NKX1-1: variants seen among roughly 807,000 people sequenced by gnomAD.
NKX1-1 encodes NK1 homeobox 1, also known as NK1 transcription factor-related protein 1.
NKX1-1 carries 7 observed loss-of-function variants against 1.7 expected under a neutral mutation model. The observed-to-expected ratio is 4.22, with a 90% CI of 2.40 to 7.92. The LOEUF (loss-of-function observed/expected upper bound fraction) is 7.92, where lower values mean the gene tolerates loss of function less well. Ranked by LOEUF, NKX1-1 falls within the 30% of genes most tolerant of loss-of-function variation. The pLI is 0.00. For synonymous variants in NKX1-1, 242 were observed against 85.3 expected (o/e 2.84, Z -10.13); for missense variants, 453 against 171.5 (o/e 2.64, Z -9.17).
At chr4:1,405,412 C>T (rs939098192) in intron 1 of NKX1-1, among the ~76,000 whole-genome samples, 9 of 152,218 alleles carry the variant, frequency 5.9e-5, no homozygotes, top group Admixed American at 1.3e-4. Flanking sequence ...GAGATATGCA[C>T]GCGCCGTAAT....
Position 1,406,005 on chromosome 4 carries a change from G to T in NKX1-1, c.438C>A (p.Val146=). Residue 146 remains valine, a synonymous_variant, in exon 1 of 2, where the codon GTC becomes GTA. Transcript: ENST00000422806. ...ERRALAGAGG[V]GAAGAEPPNA... ...TCGGCGGCTCAGCTCCGGCGGCTCC[G>T]ACTCCCCCGGCGCCGGCGAGGGCGC... is the stretch of plus-strand genomic sequence containing the variant. 2.1e-6 allele frequency: 1 copy of T among 474,934 alleles called. No homozygotes were observed. The highest frequency in any genetic ancestry group is 3.6e-6 in the Non-Finnish European group (1 of 274,952). 29.4% of individuals were successfully genotyped at this position (474,934 alleles called of 1,614,324 possible).
chr4:1,405,306 G>A (rs543451878), intron 1 of NKX1-1, among the ~76,000 whole-genome samples: 10 of 152,332 alleles, frequency 6.6e-5, no homozygotes, highest in Admixed American at 1.3e-4. Flanking sequence ...GATCAATAGC[G>A]GCCCCTAATA....
At position 1,406,225 on chromosome 4, in the gene NKX1-1, G is replaced by T; in HGVS notation, c.218C>A (p.Pro73His). The T allele has an allele frequency of 1.9e-6, 1 of 538,530 alleles. No homozygotes were observed. The highest frequency in any genetic ancestry group is 3.3e-6 in the Non-Finnish European group (1 of 304,446). 33.4% of individuals were successfully genotyped at this position (538,530 alleles called of 1,614,324 possible). The change falls in exon 1 of 2, where the codon CCC becomes CAC. Residue 73 changes from proline to histidine, a missense_variant. By Grantham distance (77) the Pro-to-His change is moderately conservative. Coordinates refer to ENST00000422806, the MANE Select transcript of NKX1-1 (RefSeq NM_001290079.1). ...GGAGGTGGGGCGCAGGGGCGCTGCG[G>T]GCCGGGCCGCTCCAGCCCCCTCGGG... The part of the protein sequence containing the change: ...AAPEGAGAAR[P>H]AAPLRPTSFS...
chr4:1,406,255 G>T lies in NKX1-1; in HGVS notation c.188C>A (p.Ala63Glu). 2.2e-6 allele frequency: 1 copy of T among 453,880 alleles called. No homozygotes were observed. The highest frequency in any genetic ancestry group is 4.4e-5 in the South Asian group (1 of 22,848). 28.1% of individuals were successfully genotyped at this position (453,880 alleles called of 1,614,324 possible). ...GGCCGCTCCAGCCCCCTCGGGCGCC[G>T]CAGGCACAGTGTCGCTGGCCGCGAG... ...PPLAASDTVPAAPEGAGAARP... is the reference protein window; with the variant it reads ...PPLAASDTVPEAPEGAGAARP... Residue 63 changes from alanine to glutamate, a missense_variant, in exon 1 of 2, where the codon GCG (alanine) becomes GAG (glutamate). Transcript: ENST00000422806.
At position 1,403,333 on chromosome 4, in the gene NKX1-1, T is replaced by G; in HGVS notation, c.946A>C (p.Lys316Gln). The G allele has an allele frequency of 1.4e-6, 1 of 726,954 alleles. No individual in the cohort carries two copies. Among genetic ancestry groups the G allele is most frequent in the Non-Finnish European group, 2.4e-6 (1 of 410,192 alleles). The allele number at this position is 726,954 out of a possible 1,614,324, so 45.0% of individuals were successfully genotyped here. Reference sequence around the variant, plus strand: ...CACACCGACAGGTAGCGCGTGGCCTTGAACTTGTTCTCCAGCGCCACGAGC... The same window carrying G: ...CACACCGACAGGTAGCGCGTGGCCTGGAACTTGTTCTCCAGCGCCACGAGC... ...EQLVALENKFKATRYLSVCER... is the reference protein window; with the variant it reads ...EQLVALENKFQATRYLSVCER... Residue 316 changes from lysine (K) to glutamine (Q), a missense_variant, in exon 2 of 2, where the codon AAG (lysine) becomes CAG (glutamine). Lys to Gln is a moderately conservative substitution (Grantham distance 53). Transcript: ENST00000422806.
Position 1,403,290 on chromosome 4 carries a change from G to A in NKX1-1, c.989C>T (p.Ala330Val). Residue 330 changes from alanine to valine, a missense_variant, in exon 2 of 2, where the codon GCG becomes GTG. Coordinates refer to ENST00000422806, the MANE Select transcript of NKX1-1 (RefSeq NM_001290079.1). ...CGTCTCGGTGAGGCTGAGCGACAGC[G>A]CCAGGTTGAGGCGCTCGCACACCGA... ...YLSVCERLNL[A>V]LSLSLTETQV... 2.8e-6 allele frequency: 2 copies of A among 716,930 alleles called. No homozygotes were observed. Among genetic ancestry groups the A allele is most frequent in the South Asian group, 1.5e-5 (1 of 67,470 alleles). 44.4% of individuals were successfully genotyped at this position (716,930 alleles called of 1,614,324 possible).
At chr4:1,404,727 G>A (rs1470701658) in intron 1 of NKX1-1, among the ~76,000 whole-genome samples, 2 of 152,260 alleles carry the variant, frequency 1.3e-5, no homozygotes, top group East Asian at 3.8e-4. Context: ...CGGGGCAGGT[G>A]CCCTCCACAG....
chr4:1,405,258 C>T (rs1720729791), intron 1 of NKX1-1, among the ~76,000 whole-genome samples: 1 of 152,196 alleles, frequency 6.6e-6, no homozygotes, highest in Non-Finnish European at 1.5e-5. Flanking sequence ...GAGGAGGGGA[C>T]ACAAAAAGCA....
rs748497294 is a variant in NKX1-1 at position 1,403,195 on chromosome 4, C to A, written c.1084G>T (p.Ala362Ser). ...GGTCCGCCCCCGCCGCCGGTCGGAG[C>A]GCTGGTGTCGGCGCCCGGGTTCTGC... is the stretch of plus-strand genomic sequence containing the variant. ...KKQNPGADTS[A>S]PTGGGGGPGP... Residue 362 changes from alanine to serine, a missense_variant, in exon 2 of 2, where the codon GCT becomes TCT. Physicochemically the swap from Ala to Ser is moderately conservative, Grantham distance 99 (BLOSUM62 1). Coordinates refer to ENST00000422806, the MANE Select transcript of NKX1-1 (RefSeq NM_001290079.1). 7 of 683,918 alleles carry A rather than the reference C, an allele frequency of 1.0e-5. No homozygotes were observed. The South Asian group carries it at 1.1e-4, about 11-fold the overall frequency. The allele number at this position is 683,918 out of a possible 1,614,324, so 42.4% of individuals were successfully genotyped here. A position where few individuals can be genotyped will look rare whatever the true frequency, so the allele number is the denominator to read the frequency against.
chr4:1,404,193 C>G (rs1720712872), intron 1 of NKX1-1, among the ~76,000 whole-genome samples: 1 of 152,256 alleles, frequency 6.6e-6, no homozygotes, highest in Non-Finnish European at 1.5e-5. Flanking sequence ...ATCCGCAGGG[C>G]TGATACACAC....
Position 1,403,616 on chromosome 4 carries a change from C to T in NKX1-1, c.663G>A (p.Gly221=), listed in dbSNP as rs1263415864. The change falls in exon 2 of 2, where the codon GGG becomes GGA. Residue 221 remains glycine (G), a synonymous_variant. Transcript: ENST00000422806. ...EEARGGGGGL[G]ARGSGCQGAA... ...CGCCCTGGCAACCCGACCCGCGGGC[C>T]CCGAGGCCGCCGCCGCCTCCCCGCG... 6 of 499,446 alleles carry T rather than the reference C, an allele frequency of 1.2e-5. No homozygotes were observed. The highest frequency in any genetic ancestry group is 4.1e-5 in the African/African-American group (2 of 48,956). The allele number at this position is 499,446 out of a possible 1,614,324, so 30.9% of individuals were successfully genotyped here.
Position 1,403,604 on chromosome 4 carries a change from C to A in NKX1-1, c.675G>T (p.Ser225=). Residue 225 remains serine, a synonymous_variant, in exon 2 of 2, where the codon TCG becomes TCT. Coordinates refer to ENST00000422806, the MANE Select transcript of NKX1-1 (RefSeq NM_001290079.1). The part of the protein sequence containing the change: ...GGGGGLGARG[S]GCQGAAETDA... ...CGGTCTCAGCCGCGCCCTGGCAACC[C>A]GACCCGCGGGCCCCGAGGCCGCCGC... 1 of 478,812 alleles carries A rather than the reference C, an allele frequency of 2.1e-6. No individual in the cohort carries two copies. Among genetic ancestry groups the A allele is most frequent in the African/African-American group, 2.0e-5 (1 of 48,856 alleles). 29.7% of individuals were successfully genotyped at this position (478,812 alleles called of 1,614,324 possible).
In NKX1-1 at chr4:1,406,433, T is replaced by C; in HGVS notation, c.10A>G (p.Ser4Gly). MSASGPEAPGDIPA... is the reference protein window; with the variant it reads MSAGGPEAPGDIPA... ...ATGTCCCCAGGAGCCTCGGGGCCGCTAGCGCTCATGCCGGCCTCCCGCCGC... is the reference window on the plus strand; with the variant it reads ...ATGTCCCCAGGAGCCTCGGGGCCGCCAGCGCTCATGCCGGCCTCCCGCCGC... The change falls in exon 1 of 2, where the codon AGC becomes GGC. Residue 4 changes from serine to glycine, a missense_variant. Coordinates refer to ENST00000422806, the MANE Select transcript of NKX1-1 (RefSeq NM_001290079.1). The C allele has an allele frequency of 8.9e-6, 3 of 336,376 alleles. No homozygotes were observed. Among genetic ancestry groups the C allele is most frequent in the Non-Finnish European group, 1.6e-5 (3 of 186,990 alleles). 20.8% of individuals were successfully genotyped at this position (336,376 alleles called of 1,614,324 possible). A position where few individuals can be genotyped will look rare whatever the true frequency, so the allele number is the denominator to read the frequency against.
intron 1 of NKX1-1, 49 bp from the exon 2 acceptor site, chr4:1,403,864 G>A: frequency 1.8e-6 from 1 of 568,582 alleles, no homozygotes. Flanking sequence ...GGACCGGCCG[G>A]TTCCCAGATC....
At chr4:1,403,964 C>G (rs1432411920) in intron 1 of NKX1-1, 149 bp from the exon 2 acceptor site, 3 of 469,794 alleles carry the variant, frequency 6.4e-6, no homozygotes, top group Admixed American at 4.3e-5. Flanking sequence ...TCCTCTCTCT[C>G]TCCTTCGCTC....
At position 1,403,048 on chromosome 4, in the gene NKX1-1, C is replaced by T; in HGVS notation, c.1231G>A (p.Gly411Arg). Reference sequence around the variant, plus strand: ...AGCTGCGCGGCGCACACCAGGCCTCCGGGGCCGTGCGCCGGGTACCCGGCC... The same window carrying T: ...AGCTGCGCGGCGCACACCAGGCCTCTGGGGCCGTGCGCCGGGTACCCGGCC... ...GPAGYPAHGP[G>R]GLVCAAQLPF... Residue 411 changes from glycine (G) to arginine (R), a missense_variant, in exon 2 of 2, where the codon GGA (glycine) becomes AGA (arginine). Coordinates refer to ENST00000422806, the MANE Select transcript of NKX1-1 (RefSeq NM_001290079.1). The T allele has an allele frequency of 3.8e-6, 2 of 532,806 alleles. No individual in the cohort carries two copies. Among genetic ancestry groups the T allele is most frequent in the Non-Finnish European group, 6.6e-6 (2 of 303,298 alleles). 33.0% of individuals were successfully genotyped at this position (532,806 alleles called of 1,614,324 possible).
chr4:1,403,641 G>T lies in NKX1-1; in HGVS notation c.638C>A (p.Ala213Glu). Reference sequence around the variant, plus strand: ...CCCGAGGCCGCCGCCGCCTCCCCGCGCCTCCTCCGCGCCTCGCGCCGCCTC... The same window carrying T: ...CCCGAGGCCGCCGCCGCCTCCCCGCTCCTCCTCCGCGCCTCGCGCCGCCTC... Reference protein sequence around the residue: ...ETEAARGAEEARGGGGGLGAR... With the variant: ...ETEAARGAEEERGGGGGLGAR... The change falls in exon 2 of 2, where the codon GCG becomes GAG. Residue 213 changes from alanine to glutamate, a missense_variant. Transcript: ENST00000422806. The T allele has an allele frequency of 5.4e-6, 3 of 557,264 alleles. No individual in the cohort carries two copies. The highest frequency in any genetic ancestry group is 2.3e-5 in the South Asian group (1 of 44,318). The allele number at this position is 557,264 out of a possible 1,614,324, so 34.5% of individuals were successfully genotyped here. A position where few individuals can be genotyped will look rare whatever the true frequency, so the allele number is the denominator to read the frequency against.
At position 1,403,766 on chromosome 4, in the gene NKX1-1, G is replaced by A. The variant is rs1720700730; in HGVS notation, c.513C>T (p.Asn171=). 1 of 684,152 alleles carries A rather than the reference G, an allele frequency of 1.5e-6. No individual in the cohort carries two copies. The highest frequency in any genetic ancestry group is 2.7e-6 in the Non-Finnish European group (1 of 377,070). 42.4% of individuals were successfully genotyped at this position (684,152 alleles called of 1,614,324 possible). ...GGCCGCCGCCGCCGCTGCTGTAGCC[G>A]TTGGTGTCGTTGGTCTCGGCCTCCC... is the stretch of plus-strand genomic sequence containing the variant. ...KAGEAETNDT[N]GYSSGGGGHS... The change falls in exon 2 of 2, where the codon AAC becomes AAT. Residue 171 remains asparagine, a synonymous_variant. Coordinates refer to ENST00000422806, the MANE Select transcript of NKX1-1 (RefSeq NM_001290079.1).
Position 1,403,001 on chromosome 4 carries a change from C to T in NKX1-1, c.1278G>A (p.Ala426=), listed in dbSNP as rs1720678547. The change falls in exon 2 of 2, where the codon GCG becomes GCA. Residue 426 remains alanine, a synonymous_variant. Transcript: ENST00000422806. ...AGCCCAGCACGAAGGGCGAGAGCAC[C>T]GCCGGGCTCGACAGGAACGGCAGCT... The part of the protein sequence containing the change: ...AAQLPFLSSP[A]VLSPFVLGSQ... 3 of 644,374 alleles carry T rather than the reference C, an allele frequency of 4.7e-6. No individual in the cohort carries two copies. The Admixed American group carries it at 7.2e-5, about 15-fold the overall frequency. 39.9% of individuals were successfully genotyped at this position (644,374 alleles called of 1,614,324 possible).
Sources: gnomAD v4.1 joint callset for allele counts (sites outside exome capture counted in the v4.1 genomes callset) on GRCh38, gnomAD v4.1.1 for gene constraint, MANE v1.5 for transcripts, NCBI Gene and HGNC (gene_info 2026-07-23, HGNC 2026-07-21) for gene names.